GPHN: variants seen among roughly 807,000 people sequenced by gnomAD.
GPHN encodes the protein gephyrin.
GPHN carries 17 observed loss-of-function variants against 95.5 expected under a neutral mutation model. The ratio of observed to expected loss-of-function variants is 0.18; its 90% CI spans 0.12 to 0.27. The LOEUF (loss-of-function observed/expected upper bound fraction) is 0.27, where lower values mean the gene tolerates loss of function less well. Ranked by LOEUF, GPHN falls within the 10% of genes least tolerant of loss-of-function variation. GPHN has a pLI of 1.00. For synonymous variants in GPHN, 320 were observed against 322.5 expected (o/e 0.99, Z 0.08); for missense variants, 660 against 978.1 (o/e 0.67, Z 4.34).
chr14:67,397,373 C>T, the GPHN span, among the ~76,000 whole-genome samples: 1 of 152,212 alleles, frequency 6.6e-6, no homozygotes, highest in East Asian at 1.9e-4. Flanking sequence ...CCTCCCAGCC[C>T]ATACAGTGCT....
At chr14:66,650,092 C>CAAAA (rs112227406) in intron 1 of GPHN, among the ~76,000 whole-genome samples, 1 of 119,614 alleles carries the variant, frequency 8.4e-6, no homozygotes, top group Non-Finnish European at 1.8e-5. Flanking sequence ...GACTGCCAAC[C>CAAAA]AAAAAAAAAA....
intron 2 of GPHN, among the ~76,000 whole-genome samples, chr14:66,684,252 A>G (rs1194686363): frequency 2.0e-5 from 3 of 152,172 alleles, no homozygotes; most frequent in Non-Finnish European, 2.9e-5. Flanking sequence ...AGGAAGACAG[A>G]ATAATAGAGC....
chr14:66,813,958 G>A (rs1377008528), intron 3 of GPHN, among the ~76,000 whole-genome samples: 3 of 152,216 alleles, frequency 2.0e-5, no homozygotes, highest in East Asian at 1.9e-4. Context: ...CTATGGCCAC[G>A]CACCAGCCTG....
intron 3 of GPHN, among the ~76,000 whole-genome samples, chr14:66,806,279 C>G (rs1158033079): frequency 6.6e-6 from 1 of 152,108 alleles, no homozygotes; most frequent in Non-Finnish European, 1.5e-5. Context: ...GGTCCCGGCC[C>G]ATAAAACCAC....
the GPHN span, among the ~76,000 whole-genome samples, chr14:67,621,946 A>C: frequency 1.3e-5 from 2 of 151,916 alleles, no homozygotes; most frequent in East Asian, 2.0e-4. Flanking sequence ...AAAATACAAA[A>C]ATTAGTCAGG....
At chr14:67,057,674 GCTTCCTTC>G (rs547728612) in intron 10 of GPHN, among the ~76,000 whole-genome samples, 7 of 151,710 alleles carry the variant, frequency 4.6e-5, no homozygotes, top group Non-Finnish European at 8.8e-5. Flanking sequence ...TTCTTTTCTT[GCTTCCTTC>G]CTTCCTTCCT....
chr14:66,513,158 A>G (rs1244038082), intron 1 of GPHN, among the ~76,000 whole-genome samples: 1 of 151,786 alleles, frequency 6.6e-6, no homozygotes. Flanking sequence ...ACTTAGTACT[A>G]TTATCATTGG....
At chr14:67,252,728 A>G in the GPHN span, among the ~76,000 whole-genome samples, 1 of 152,244 alleles carries the variant, frequency 6.6e-6, no homozygotes, top group Non-Finnish European at 1.5e-5. Context: ...AATGAAAAAA[A>G]GCTCGGAATG....
At chr14:66,749,416 C>T (rs543880520) in intron 2 of GPHN, among the ~76,000 whole-genome samples, 3 of 152,000 alleles carry the variant, frequency 2.0e-5, no homozygotes, top group Admixed American at 2.0e-4. Flanking sequence ...AAGAAACCAC[C>T]AGACTGTCTT....
chr14:66,727,421 A>T (rs915227033), intron 2 of GPHN, among the ~76,000 whole-genome samples: 8 of 152,312 alleles, frequency 5.3e-5, no homozygotes, highest in African/African-American at 1.9e-4. Flanking sequence ...AGGTTGGAAC[A>T]GTTTGGAGGG....
intron 1 of GPHN, among the ~76,000 whole-genome samples, chr14:66,631,342 C>T (rs542873074): frequency 2.6e-5 from 4 of 152,280 alleles, no homozygotes; most frequent in South Asian, 2.1e-4. Context: ...CCACTGCGCC[C>T]GGCCGGCACA....
At chr14:66,887,078 A>G (rs1009344691) in intron 5 of GPHN, among the ~76,000 whole-genome samples, 12 of 152,176 alleles carry the variant, frequency 7.9e-5, no homozygotes, top group Non-Finnish European at 1.8e-4. Flanking sequence ...AAAGGGAACT[A>G]TTGTGAAATA....
At chr14:66,554,635 C>T (rs909554737) in intron 1 of GPHN, among the ~76,000 whole-genome samples, 3 of 152,100 alleles carry the variant, frequency 2.0e-5, no homozygotes, top group African/African-American at 7.2e-5. Context: ...CAATCACTTC[C>T]CAACAGTTTC....
chr14:66,868,856 G>A (rs762936621), intron 4 of GPHN, among the ~76,000 whole-genome samples: 34 of 151,842 alleles, frequency 2.2e-4, no homozygotes, highest in African/African-American at 3.1e-4. Flanking sequence ...TCTTTGAAGC[G>A]TCTTTCTGAC....
At chr14:67,335,885 C>A in the GPHN span, 1 of 152,254 alleles carries the variant, frequency 6.6e-6, no homozygotes, top group Non-Finnish European at 1.5e-5. Context: ...GACCACCCTC[C>A]TCTTCAAGTT....
At chr14:67,297,529 AATTTTAAACAGATTT>A in the GPHN span, among the ~76,000 whole-genome samples, 4 of 152,224 alleles carry the variant, frequency 2.6e-5, no homozygotes, top group Non-Finnish European at 1.5e-5. Flanking sequence ...TCTACTGAAG[AATTTTAAACAGATTT>A]ATATAAACAG....
chr14:66,976,911 T>C (rs1320703891), intron 9 of GPHN, among the ~76,000 whole-genome samples: 4 of 81,352 alleles, frequency 4.9e-5, no homozygotes, highest in Non-Finnish European at 8.1e-5. Context: ...AGCACAGAAA[T>C]ATGTGGGGGG....
chr14:66,966,609 A>G (rs2153588341), intron 9 of GPHN, among the ~76,000 whole-genome samples: 1 of 152,154 alleles, frequency 6.6e-6, no homozygotes, highest in Admixed American at 6.5e-5. Context: ...AAAACAAAGT[A>G]ACTTACAGTT....
the GPHN span, among the ~76,000 whole-genome samples, chr14:67,408,717 A>G: frequency 6.6e-6 from 1 of 152,246 alleles, no homozygotes; most frequent in East Asian, 1.9e-4. Flanking sequence ...TTTCAGAGGC[A>G]GCACGGCCCT....
Sources: gnomAD v4.1 joint callset for allele counts (sites outside exome capture counted in the v4.1 genomes callset) on GRCh38, gnomAD v4.1.1 for gene constraint, MANE v1.5 for transcripts, NCBI Gene and HGNC (gene_info 2026-07-23, HGNC 2026-07-21) for gene names.